The following VAV2 variants were observed in gnomAD, a reference collection of about 807,000 sequenced individuals.
VAV2 encodes guanine nucleotide exchange factor VAV2.
Under a neutral mutation model 132.5 loss-of-function variants are expected in VAV2, and 67 were observed. That is an observed-to-expected ratio of 0.51 (90% CI 0.42 to 0.62). The LOEUF is 0.62. Ranked by LOEUF, VAV2 falls within the 20% of genes least tolerant of loss-of-function variation. VAV2 has a pLI of 0.00. For missense variants in VAV2, 938 were observed against 1,153.6 expected (o/e 0.81, Z 2.71); for synonymous variants, 492 against 443.5 (o/e 1.11, Z -1.37).
chr9:133,887,009 C>G (rs76600745), intron 2 of VAV2, among the ~76,000 whole-genome samples: 1 of 152,162 alleles, frequency 6.6e-6, no homozygotes, highest in Non-Finnish European at 1.5e-5. Context: ...CAAGCCCCCC[C>G]TCCCCACCCC....
Position 133,794,294 on chromosome 9 carries a change from C to A in VAV2, c.1101+1374G>T, listed in dbSNP as rs993203408. The stretch of plus-strand genomic sequence containing the variant: ...TGACACCGAGAAAGTTCTGTCAGCC[C>A]GTCATGGCAGGAGGCTTTCCTGGAG... On this transcript the variant is annotated intron_variant, in intron 12 of 29. Transcript: ENST00000371850. The surrounding 1 kb of genome is among the most constrained non-coding windows in gnomAD (Gnocchi z 4.6). 6.6e-6 allele frequency among the ~76,000 whole-genome samples: 1 copy of A among 152,072 alleles called. No individual in the cohort carries two copies. Among genetic ancestry groups the A allele is most frequent in the Admixed American group, 6.5e-5 (1 of 15,270 alleles).
chr9:133,848,015 C>T (rs898146495), intron 3 of VAV2, among the ~76,000 whole-genome samples: 6 of 152,162 alleles, frequency 3.9e-5, no homozygotes, highest in African/African-American at 4.8e-5. Context: ...CGGTAGCTCA[C>T]GCCTGTAATC....
Position 133,777,399 on chromosome 9 carries a change from A to C in VAV2, c.1955T>G (p.Val652Gly), listed in dbSNP as rs1175926019. 1 of 1,613,574 alleles carries C rather than the reference A, an allele frequency of 6.2e-7. No homozygotes were observed. Among genetic ancestry groups the C allele is most frequent in the Non-Finnish European group, 8.5e-7 (1 of 1,179,978 alleles). ...TGGGAAAGGACTCACCCTTCCATCC[A>C]CAGGGCAGGGCTTCACAGATGAGCT... ...FPSSSVKPCPVDGRPPISRPP... is the reference protein window; with the variant it reads ...FPSSSVKPCPGDGRPPISRPP... Residue 652 changes from valine (V) to glycine (G), a missense_variant, in exon 23 of 30, where the codon GTG (valine) becomes GGG (glycine). Coordinates refer to ENST00000371850, the MANE Select transcript of VAV2 (RefSeq NM_001134398.2).
chr9:133,901,886 G>C (rs1168381331), intron 2 of VAV2, among the ~76,000 whole-genome samples: 1 of 152,212 alleles, frequency 6.6e-6, no homozygotes. Context: ...GAGGGGGCTG[G>C]GGGTGGGGAG....
intron 24 of VAV2, among the ~76,000 whole-genome samples, chr9:133,775,734 G>C (rs1209762527): frequency 1.3e-5 from 2 of 152,190 alleles, no homozygotes; most frequent in East Asian, 3.8e-4. Context: ...ATATAGTGCA[G>C]ATAAAATTCA....
chr9:133,785,766 T>C lies in VAV2; in HGVS notation c.1532+10A>G, dbSNP rs1834192916. ...GCCAGGGACCTGGGGGCTGCCGCCCTGGAACTCACATGGCCATCTCAAACT... is the reference window on the plus strand; with the variant it reads ...GCCAGGGACCTGGGGGCTGCCGCCCCGGAACTCACATGGCCATCTCAAACT... On this transcript the variant is annotated intron_variant, in intron 17 of 29. Transcript: ENST00000371850. 6.2e-7 allele frequency: 1 copy of C among 1,612,978 alleles called. No homozygotes were observed. The highest frequency in any genetic ancestry group is 1.3e-5 in the African/African-American group (1 of 74,902).
At chr9:133,903,940 T>C (rs1277619928) in intron 2 of VAV2, among the ~76,000 whole-genome samples, 1 of 152,244 alleles carries the variant, frequency 6.6e-6, no homozygotes, top group East Asian at 1.9e-4. Context: ...GTTATTTTCA[T>C]GTTTTTAAAG....
At chr9:133,829,852 G>A (rs1039892987) in intron 4 of VAV2, among the ~76,000 whole-genome samples, 6 of 152,090 alleles carry the variant, frequency 3.9e-5, no homozygotes, top group Admixed American at 6.6e-5. Flanking sequence ...ACGTGGCTCC[G>A]CTGTAATCCC....
At chr9:133,851,298 G>A (rs1837157488) in intron 3 of VAV2, among the ~76,000 whole-genome samples, 1 of 152,218 alleles carries the variant, frequency 6.6e-6, no homozygotes, top group African/African-American at 2.4e-5. Flanking sequence ...GAGGCACAGA[G>A]TGGCAGCTCC....
chr9:133,980,918 A>G (rs1430080664), intron 1 of VAV2, among the ~76,000 whole-genome samples: 1 of 152,048 alleles, frequency 6.6e-6, no homozygotes, highest in Non-Finnish European at 1.5e-5. Flanking sequence ...TTAGCTACCA[A>G]AAGCCATCTA....
chr9:133,981,781 A>AGG (rs1227647832), intron 1 of VAV2, among the ~76,000 whole-genome samples: 2 of 152,134 alleles, frequency 1.3e-5, no homozygotes, highest in African/African-American at 4.8e-5. Flanking sequence ...AGCATTTCCA[A>AGG]GGATCTCTTT....
At chr9:133,954,118 G>A (rs542008238) in intron 1 of VAV2, among the ~76,000 whole-genome samples, 57 of 152,184 alleles carry the variant, frequency 3.7e-4, no homozygotes, top group African/African-American at 2.2e-4. Flanking sequence ...AAAGCACTGC[G>A]CCTGTCTGCT....
chr9:133,777,121 G>A (rs1009143527), intron 23 of VAV2, among the ~76,000 whole-genome samples: 2 of 152,152 alleles, frequency 1.3e-5, no homozygotes, highest in Non-Finnish European at 2.9e-5. Flanking sequence ...CATTACAGCT[G>A]CTGCAGAAAT....
intron 3 of VAV2, among the ~76,000 whole-genome samples, chr9:133,845,177 G>A (rs1054798853): frequency 5.3e-5 from 8 of 152,236 alleles, no homozygotes; most frequent in African/African-American, 1.4e-4. Flanking sequence ...GGGCCACAGC[G>A]GCTTGTCTGC....
chr9:133,976,678 T>C (rs1803716607), intron 1 of VAV2, among the ~76,000 whole-genome samples: 1 of 152,248 alleles, frequency 6.6e-6, no homozygotes, highest in African/African-American at 2.4e-5. Context: ...GCTACGCATC[T>C]GGCTTTCTGT....
intron 29 of VAV2, among the ~76,000 whole-genome samples, chr9:133,764,388 A>T (rs1040466857): frequency 6.6e-6 from 1 of 152,198 alleles, no homozygotes; most frequent in Non-Finnish European, 1.5e-5. Flanking sequence ...ACCCAGAACA[A>T]CTACAGCTTT....
intron 1 of VAV2, among the ~76,000 whole-genome samples, chr9:133,941,895 C>T (rs927641735): frequency 5.3e-5 from 8 of 152,318 alleles, no homozygotes; most frequent in East Asian, 1.9e-4. Flanking sequence ...TGAGCCACCA[C>T]GCCAGGCCGT....
At chr9:133,902,171 T>C (rs1416175011) in intron 2 of VAV2, among the ~76,000 whole-genome samples, 1 of 151,520 alleles carries the variant, frequency 6.6e-6, no homozygotes. Flanking sequence ...GCAATTGGCC[T>C]CCCTGAGACC....
chr9:133,940,668 C>CATGCGT (rs1168466104), intron 1 of VAV2, among the ~76,000 whole-genome samples: 8 of 58,746 alleles, frequency 1.4e-4, no homozygotes, highest in African/African-American at 2.5e-4. Flanking sequence ...TCTCTGTCCA[C>CATGCGT]GTGCGTGTGT....
Sources: gnomAD v4.1 joint callset for allele counts (sites outside exome capture counted in the v4.1 genomes callset) on GRCh38, gnomAD v4.1.1 for gene constraint, Gnocchi (gnomAD v3.1) non-coding constraint, MANE v1.5 for transcripts, NCBI Gene and HGNC (gene_info 2026-07-23, HGNC 2026-07-21) for gene names.